IFNLR1: variants seen among roughly 807,000 people sequenced by gnomAD.
IFNLR1 encodes the protein interferon lambda receptor 1.
In IFNLR1, 28 loss-of-function variants were observed where a neutral mutation model predicts 52.5. That is an observed-to-expected ratio of 0.53 (90% confidence interval 0.40 to 0.73). IFNLR1 has a LOEUF of 0.73. Among genes scored for constraint, IFNLR1 ranks in the 30% least tolerant of loss-of-function variants. The pLI, the probability that IFNLR1 is intolerant of heterozygous loss-of-function variation, is 0.00. For missense variants in IFNLR1, 623 were observed against 659.1 expected (o/e 0.95, Z 0.60); for synonymous variants, 276 against 274.9 (o/e 1.00, Z -0.04).
At chr1:24,161,309 T>C in intron 4 of IFNLR1, 2 of 603,488 alleles carry the variant, frequency 3.3e-6, no homozygotes, top group Non-Finnish European at 6.0e-6. Context: ...TCTTAGAGCT[T>C]ATCTGTATTT....
intron 1 of IFNLR1, 65 bp downstream of exon 1, chr1:24,187,126 A>T: frequency 8.9e-7 from 1 of 1,125,512 alleles, no homozygotes; most frequent in Non-Finnish European, 1.2e-6. Flanking sequence ...TCCGGGTCCG[A>T]GGGTAGGCGC....
Position 24,162,874 on chromosome 1 carries a change from T to TC in IFNLR1, c.368-1191dup, listed in dbSNP as rs1448168950. 3.3e-3 allele frequency among the ~76,000 whole-genome samples: 275 copies of TC among 82,692 alleles called. 4 individuals are homozygous for TC. The highest frequency in any genetic ancestry group is 9.9e-3 in the Middle Eastern group (2 of 202). 54.2% of individuals were successfully genotyped at this position (82,692 alleles called of 152,430 possible). A position where few individuals can be genotyped will look rare whatever the true frequency, so the allele number is the denominator to read the frequency against. On this transcript the variant is annotated intron_variant, in intron 3 of 6. Transcript: ENST00000327535. ...TTCTTTCTTTCTTTCTTTCTTTCTT[T>TC]CTTTCCTTCCTTCCTTCCTTCCTTC...
chr1:24,159,399 G>A, intron 5 of IFNLR1, 75 bp downstream of exon 5: 16 of 1,430,730 alleles, frequency 1.1e-5, no homozygotes, highest in Non-Finnish European at 1.6e-5. Context: ...CTAGGCTCAT[G>A]TTCTTAACCA....
At chr1:24,180,690 C>CCCCCCCCG in intron 2 of IFNLR1, 41 bp downstream of exon 2, 1 of 1,421,164 alleles carries the variant, frequency 7.0e-7, no homozygotes, top group African/African-American at 1.4e-5. Flanking sequence ...CCACCCACCC[C>CCCCCCCCG]CTCAGTCTTC....
chr1:24,169,386 C>A (rs1191006957), intron 3 of IFNLR1, 31 bp downstream of exon 3: 1 of 1,584,122 alleles, frequency 6.3e-7, no homozygotes, highest in African/African-American at 1.3e-5. Flanking sequence ...GATGGACAGC[C>A]TTCCACTCAG....
chr1:24,171,580 T>G (rs1569670287), intron 2 of IFNLR1, among the ~76,000 whole-genome samples: 1 of 152,050 alleles, frequency 6.6e-6, no homozygotes. Context: ...CCTCTACTCC[T>G]GGGCTCAGGT....
chr1:24,159,718 G>C, intron 4 of IFNLR1, 85 bp from the exon 5 acceptor site: 1 of 872,930 alleles, frequency 1.1e-6, no homozygotes. Context: ...TGGCAGACAT[G>C]GTAGGGTGTT....
At chr1:24,181,599 T>A (rs1487836719) in intron 1 of IFNLR1, among the ~76,000 whole-genome samples, 1 of 152,204 alleles carries the variant, frequency 6.6e-6, no homozygotes, top group Non-Finnish European at 1.5e-5. Flanking sequence ...AGGATGACCC[T>A]CCCTACTCAT....
chr1:24,181,175 T>G (rs1287050797), intron 1 of IFNLR1, among the ~76,000 whole-genome samples: 2 of 152,210 alleles, frequency 1.3e-5, no homozygotes, highest in Non-Finnish European at 2.9e-5. Context: ...CCCCAGAGCC[T>G]GCCTGCCATG....
rs745822997 is a variant in IFNLR1 at position 24,169,541 on chromosome 1, T to C, written c.243A>G (p.Leu81=). The change falls in exon 3 of 7, where the codon CTA becomes CTG. Residue 81 remains leucine (L), a synonymous_variant. Coordinates refer to ENST00000327535, the MANE Select transcript of IFNLR1 (RefSeq NM_170743.4). ...GTTTCTTCAGGCACATCATAGAACATAGCAGCTCCTTGGTTCCCGCACACT... is the reference window on the plus strand; with the variant it reads ...GTTTCTTCAGGCACATCATAGAACACAGCAGCTCCTTGGTTCCCGCACACT... ...VEECAGTKEL[L]CSMMCLKKQD... 5.6e-6 allele frequency: 9 copies of C among 1,614,082 alleles called. No homozygotes were observed. The African/African-American group carries it at 9.3e-5, about 17-fold the overall frequency.
intron 1 of IFNLR1, among the ~76,000 whole-genome samples, chr1:24,183,555 G>C (rs1229598245): frequency 3.9e-5 from 6 of 152,136 alleles, no homozygotes; most frequent in Admixed American, 2.0e-4. Context: ...ACTTCAGTCT[G>C]GCCAACAGAG....
At chr1:24,166,366 ATTC>A (rs1644520073) in intron 3 of IFNLR1, among the ~76,000 whole-genome samples, 1 of 151,170 alleles carries the variant, frequency 6.6e-6, no homozygotes, top group African/African-American at 2.4e-5. Context: ...CCATACATCC[ATTC>A]TTCTTTTCTC....
intron 2 of IFNLR1, among the ~76,000 whole-genome samples, chr1:24,173,688 A>T (rs1644603934): frequency 7.0e-6 from 1 of 142,798 alleles, no homozygotes; most frequent in Non-Finnish European, 1.5e-5. Flanking sequence ...TCACTCTGTC[A>T]CCCAGGCTGG....
rs577677074 is a variant in IFNLR1, at chr1:24,155,324, G to T, written c.*1806C>A. ...GGACAAGGGGTCAGAGGTTGGCCCG[G>T]CTGTGCAGAGATCGAAGCTCTTACC... On this transcript the variant is annotated 3_prime_UTR_variant, in exon 7 of 7. Transcript: ENST00000327535. The T allele has an allele frequency of 2.0e-5, 3 of 152,376 alleles. No individual in the cohort carries two copies. In the South Asian group the frequency reaches 6.2e-4, roughly 32 times the overall value. 9.4% of individuals were successfully genotyped at this position (152,376 alleles called of 1,614,324 possible). A position where few individuals can be genotyped will look rare whatever the true frequency, so the allele number is the denominator to read the frequency against.
intron 3 of IFNLR1, among the ~76,000 whole-genome samples, chr1:24,168,481 C>T (rs1044903309): frequency 6.6e-5 from 10 of 151,976 alleles, no homozygotes; most frequent in Middle Eastern, 3.2e-3. Flanking sequence ...CGGTTACTAG[C>T]GGTATCAAGT....
At chr1:24,180,294 C>G (rs1644675376) in intron 2 of IFNLR1, among the ~76,000 whole-genome samples, 1 of 79,212 alleles carries the variant, frequency 1.3e-5, no homozygotes, top group East Asian at 3.7e-4. Flanking sequence ...AAGACTCTGT[C>G]TCAAAAAAAA....
rs1206588617 is a variant in IFNLR1 at position 24,162,782 on chromosome 1, CTTTCTT to C, written c.368-1104_368-1099del. On this transcript the variant is annotated intron_variant, in intron 3 of 6. Coordinates refer to ENST00000327535, the MANE Select transcript of IFNLR1 (RefSeq NM_170743.4). Reference sequence around the variant, plus strand: ...TTTCTTTCTTTCTTTCTTTCTTTTTCTTTCTTTTTCTTTCTTTCTTTTTTCTTTCTT... The same window carrying C: ...TTTCTTTCTTTCTTTCTTTCTTTTTCTTTCTTTCTTTCTTTTTTCTTTCTT... Among the ~76,000 whole-genome samples, 499 of 69,026 alleles carry C rather than the reference CTTTCTT, an allele frequency of 7.2e-3. 50 individuals are homozygous for C. The highest frequency in any genetic ancestry group is 0.026 in the African/African-American group (463 of 18,078). The allele number at this position is 69,026 out of a possible 152,430, so 45.3% of individuals were successfully genotyped here.
At chr1:24,183,055 G>A (rs567638595) in intron 1 of IFNLR1, among the ~76,000 whole-genome samples, 1 of 152,202 alleles carries the variant, frequency 6.6e-6, no homozygotes, top group East Asian at 1.9e-4. Flanking sequence ...ATTACTGAAC[G>A]AATATATTGA....
At chr1:24,163,496 G>A (rs1644485941) in intron 3 of IFNLR1, among the ~76,000 whole-genome samples, 1 of 152,030 alleles carries the variant, frequency 6.6e-6, no homozygotes, top group South Asian at 2.1e-4. Context: ...TAGCTTCTGG[G>A]GATTAGGGCA....
Sources: gnomAD v4.1 joint callset for allele counts (sites outside exome capture counted in the v4.1 genomes callset) on GRCh38, gnomAD v4.1.1 for gene constraint, MANE v1.5 for transcripts, NCBI Gene and HGNC (gene_info 2026-07-23, HGNC 2026-07-21) for gene names.